FLOT2: variants seen among roughly 807,000 people sequenced by gnomAD.
FLOT2 encodes flotillin-2.
Under a neutral mutation model 54.9 loss-of-function variants are expected in FLOT2, and 35 were observed. That is an observed-to-expected ratio of 0.64 (90% CI 0.49 to 0.84). The LOEUF is 0.84. Among genes scored for constraint, FLOT2 ranks in the 40% least tolerant of loss-of-function variants. The pLI, the probability that FLOT2 is intolerant of heterozygous loss-of-function variation, is 0.00. For synonymous variants in FLOT2, 207 were observed against 228.9 expected (o/e 0.90, Z 0.86); for missense variants, 464 against 572.1 (o/e 0.81, Z 1.93).
Position 28,882,891 on chromosome 17 carries a change from G to C in FLOT2, c.347-200C>G. On this transcript the variant is annotated intron_variant, in intron 4 of 10. Coordinates refer to ENST00000394908, the MANE Select transcript of FLOT2 (RefSeq NM_004475.3). The surrounding 1 kb of genome is among the most constrained non-coding windows in gnomAD (Gnocchi z 5.6). ...TGAATGAGGAAAAGTGTCCCAAGCA[G>C]CACTAGGTTCCTGAGCAGACCGACA... 1 of 635,454 alleles carries C rather than the reference G, an allele frequency of 1.6e-6. No homozygotes were observed. The highest frequency in any genetic ancestry group is 2.7e-6 in the Non-Finnish European group (1 of 366,094). The allele number at this position is 635,454 out of a possible 1,614,324, so 39.4% of individuals were successfully genotyped here.
rs41280132 is a variant in FLOT2, at chr17:28,879,717, C to G, written c.*844G>C. On this transcript the variant is annotated 3_prime_UTR_variant, in exon 11 of 11. Coordinates refer to ENST00000394908, the MANE Select transcript of FLOT2 (RefSeq NM_004475.3). ...GCCCAACACCCAGGACAGTGCAGCC[C>G]TAGCAGGAAGAAGGTCTACACACTT... 74 of 986,118 alleles carry G rather than the reference C, an allele frequency of 7.5e-5. No individual in the cohort carries two copies. Among genetic ancestry groups the G allele is most frequent in the Non-Finnish European group, 8.6e-5 (71 of 830,154 alleles). 61.1% of individuals were successfully genotyped at this position (986,118 alleles called of 1,614,324 possible). A position where few individuals can be genotyped will look rare whatever the true frequency, so the allele number is the denominator to read the frequency against.
At position 28,880,290 on chromosome 17, in the gene FLOT2, GA is replaced by G; in HGVS notation, c.*270del. 1 of 1,356,278 alleles carries G rather than the reference GA, an allele frequency of 7.4e-7. No homozygotes were observed. 84.0% of individuals were successfully genotyped at this position (1,356,278 alleles called of 1,614,324 possible). On this transcript the variant is annotated 3_prime_UTR_variant, in exon 11 of 11. Coordinates refer to ENST00000394908, the MANE Select transcript of FLOT2 (RefSeq NM_004475.3). ...ATCTACATGATGTGCATGGGGGAAA[GA>G]AAAAGACAGACAAAGGAAAAGACAC...
intron 2 of FLOT2, 141 bp downstream of exon 2, chr17:28,888,804 A>ACCCCCCCCCCCCCCCCCCCCC: frequency 3.3e-6 from 1 of 299,912 alleles, no homozygotes; most frequent in African/African-American, 2.6e-5. Context: ...AGTCCCCCCC[A>ACCCCCCCCCCCCCCCCCCCCC]ACCCCACCCC....
chr17:28,882,504 G>C lies in FLOT2; in HGVS notation c.466-54C>G. ...CAAAGGAGCAGCCAGAGGCACAAAGGTGCCCCTCTAACAAAGCCACCATCT... is the reference window on the plus strand; with the variant it reads ...CAAAGGAGCAGCCAGAGGCACAAAGCTGCCCCTCTAACAAAGCCACCATCT... On this transcript the variant is annotated intron_variant, in intron 5 of 10. Coordinates refer to ENST00000394908, the MANE Select transcript of FLOT2 (RefSeq NM_004475.3). This position sits in a 1 kb window ranked among gnomAD's most constrained non-coding sequence, Gnocchi z 5.6. The C allele has an allele frequency of 1.3e-6, 2 of 1,591,854 alleles. No individual in the cohort carries two copies. Among genetic ancestry groups the C allele is most frequent in the Non-Finnish European group, 1.7e-6 (2 of 1,159,966 alleles).
At chr17:28,895,147 G>A (rs2039721753) in intron 1 of FLOT2, among the ~76,000 whole-genome samples, 1 of 151,544 alleles carries the variant, frequency 6.6e-6, no homozygotes, top group Middle Eastern at 3.4e-3. Flanking sequence ...TCCTGGCCTC[G>A]AGTGATCCAT....
Position 28,881,260 on chromosome 17 carries a change from T to C in FLOT2, c.1030A>G (p.Lys344Glu). The C allele has an allele frequency of 6.2e-7, 1 of 1,614,116 alleles. No homozygotes were observed. The highest frequency in any genetic ancestry group is 8.5e-7 in the Non-Finnish European group (1 of 1,179,954). ...CCGTATTTCTGGTAGGCTTCTGCCT[T>C]GAGCTTCATCCGCTCAGCCTCTGCC... is the stretch of plus-strand genomic sequence containing the variant. Reference protein sequence around the residue: ...GKAEAERMKLKAEAYQKYGDA... With the variant: ...GKAEAERMKLEAEAYQKYGDA... The change falls in exon 9 of 11, where the codon AAG becomes GAG. Residue 344 changes from lysine (K) to glutamate (E), a missense_variant. Coordinates refer to ENST00000394908, the MANE Select transcript of FLOT2 (RefSeq NM_004475.3).
intron 2 of FLOT2, among the ~76,000 whole-genome samples, chr17:28,885,233 T>A (rs1341785743): frequency 6.6e-6 from 1 of 152,182 alleles, no homozygotes; most frequent in Admixed American, 6.5e-5. Context: ...GGGATGGGGA[T>A]GGTCCCCTTC....
chr17:28,884,170 G>C lies in FLOT2; in HGVS notation c.222+55C>G. ...GTCCTCTCCTCCTCCCCCCGAACCC[G>C]AGTACGGGACCAGGCAGCTCAACGG... On this transcript the variant is annotated intron_variant, in intron 3 of 10. Transcript: ENST00000394908. This position sits in a 1 kb window ranked among gnomAD's most constrained non-coding sequence, Gnocchi z 5.1. 7.5e-7 allele frequency: 1 copy of C among 1,340,266 alleles called. No individual in the cohort carries two copies. Among genetic ancestry groups the C allele is most frequent in the East Asian group, 2.3e-5 (1 of 43,648 alleles). The allele number at this position is 1,340,266 out of a possible 1,614,324, so 83.0% of individuals were successfully genotyped here. A position where few individuals can be genotyped will look rare whatever the true frequency, so the allele number is the denominator to read the frequency against.
chr17:28,881,400 A>G (rs566374544), intron 8 of FLOT2, 25 bp from the exon 9 acceptor site: 5 of 1,605,170 alleles, frequency 3.1e-6, no homozygotes, highest in East Asian at 4.5e-5. Flanking sequence ...GCCAGTTAGG[A>G]TCAGTGGGAC....
chr17:28,890,775 TA>T (rs990539745), intron 1 of FLOT2, among the ~76,000 whole-genome samples: 7 of 151,972 alleles, frequency 4.6e-5, no homozygotes, highest in African/African-American at 1.7e-4. Context: ...GACAGGCAGT[TA>T]ACTTGCAGTG....
intron 2 of FLOT2, among the ~76,000 whole-genome samples, chr17:28,887,130 C>T (rs950307500): frequency 1.1e-4 from 16 of 151,970 alleles, no homozygotes; most frequent in African/African-American, 3.6e-4. Context: ...ATCAGGGCCT[C>T]GGGATAGTAT....
chr17:28,881,501 G>C (rs2039447263), intron 8 of FLOT2, 126 bp from the exon 9 acceptor site: 2 of 1,020,510 alleles, frequency 2.0e-6, no homozygotes, highest in Non-Finnish European at 2.9e-6. Context: ...CATTGGAACG[G>C]AGTGGGGTGG....
At chr17:28,892,409 A>T (rs1403712342) in intron 1 of FLOT2, 1 of 134,984 alleles carries the variant, frequency 7.4e-6, no homozygotes, top group African/African-American at 2.9e-5. Context: ...CCCAGGCTGG[A>T]GTGCACTGGC....
intron 1 of FLOT2, chr17:28,892,331 GGGAT>G (rs1567936927): frequency 6.6e-6 from 1 of 151,946 alleles, no homozygotes; most frequent in African/African-American, 2.4e-5. Context: ...AGTGGGGTGG[GGGAT>G]GGACAGGGTA....
chr17:28,882,363 C>A lies in FLOT2; in HGVS notation c.553G>T (p.Glu185Ter). The A allele has an allele frequency of 6.2e-7, 1 of 1,614,062 alleles. No individual in the cohort carries two copies. ...VQRDADIGVA[E>*]AERDAGIREA... ...CGGATGCCTGCGTCCCGTTCAGCCT[C>A]GGCCACGCCAATGTCAGCATCTCTC... The change falls in exon 6 of 11, where the codon GAG becomes TAG. Residue 185 changes from glutamate (E) to a stop codon, truncating the protein, a stop_gained. Coordinates refer to ENST00000394908, the MANE Select transcript of FLOT2 (RefSeq NM_004475.3). LOFTEE classifies it high-confidence loss of function. This position sits in a 1 kb window ranked among gnomAD's most constrained non-coding sequence, Gnocchi z 5.6.
Position 28,880,463 on chromosome 17 carries a change from G to A in FLOT2, c.*98C>T. 3 of 1,547,048 alleles carry A rather than the reference G, an allele frequency of 1.9e-6. No homozygotes were observed. The highest frequency in any genetic ancestry group is 2.6e-6 in the Non-Finnish European group (3 of 1,146,264). On this transcript the variant is annotated 3_prime_UTR_variant, in exon 11 of 11. Transcript: ENST00000394908. ...GCACTTCTGGTCCCTTCGAGATAAG[G>A]CACCAGAGTCAGTAACGTTCCCGTT...
intron 1 of FLOT2, among the ~76,000 whole-genome samples, chr17:28,893,505 G>C (rs773981054): frequency 1.3e-5 from 2 of 150,738 alleles, no homozygotes; most frequent in Non-Finnish European, 2.9e-5. Flanking sequence ...TTGAACTCAC[G>C]GGCTCAAGCG....
At chr17:28,885,818 G>A in intron 2 of FLOT2, 1 of 1,358,698 alleles carries the variant, frequency 7.4e-7, no homozygotes, top group Non-Finnish European at 1.0e-6. Context: ...CAGGAAGAGA[G>A]AAGGTTAGAC....
At position 28,884,132 on chromosome 17, in the gene FLOT2, G is replaced by T. The variant is rs2039501254; in HGVS notation, c.222+93C>A. ...GGGGCTGGGGTGCTGGAGAGAGACT[G>T]CCCCTGGCTGCTGTCCTCTCCTCCT... On this transcript the variant is annotated intron_variant, in intron 3 of 10. Coordinates refer to ENST00000394908, the MANE Select transcript of FLOT2 (RefSeq NM_004475.3). This position sits in a 1 kb window ranked among gnomAD's most constrained non-coding sequence, Gnocchi z 5.1. 3 of 926,830 alleles carry T rather than the reference G, an allele frequency of 3.2e-6. No individual in the cohort carries two copies. The highest frequency in any genetic ancestry group is 5.3e-6 in the Non-Finnish European group (3 of 563,722). 57.4% of individuals were successfully genotyped at this position (926,830 alleles called of 1,614,324 possible).
Sources: allele counts gnomAD v4.1 joint callset (sites outside exome capture counted in the v4.1 genomes callset), GRCh38; gene constraint gnomAD v4.1.1; non-coding constraint Gnocchi (gnomAD v3.1); transcripts MANE v1.5; gene names NCBI Gene and HGNC (gene_info 2026-07-23, HGNC 2026-07-21).